Variants in RAB28 observed in about 807,000 individuals in gnomAD.
The protein encoded by RAB28 is RAB28, member RAS oncogene family, also known as ras-related protein Rab-28.
Under a neutral mutation model 31.7 loss-of-function variants are expected in RAB28, and 24 were observed. The ratio of observed to expected loss-of-function variants is 0.76; its 90% CI spans 0.55 to 1.06. RAB28 has a LOEUF of 1.06. RAB28 is among the 50% of genes least tolerant of loss of function. The probability of loss-of-function intolerance (pLI) is 0.00; values close to 1 mark genes in which losing one functional copy is unlikely to be tolerated. For synonymous variants in RAB28, 100 were observed against 90.4 expected, an observed-to-expected ratio of 1.11 and a Z score of -0.60; for missense variants, 254 against 258.5, an observed-to-expected ratio of 0.98 and a Z score of 0.12.
At chr4:13,380,772 C>T (rs1314362435) in intron 5 of RAB28, among the ~76,000 whole-genome samples, 3 of 151,878 alleles carry the variant, frequency 2.0e-5, no homozygotes, top group South Asian at 2.1e-4. Context: ...ACACCAAAAG[C>T]TTACGGACAA....
intron 4 of RAB28, among the ~76,000 whole-genome samples, chr4:13,442,674 A>G (rs558714766): frequency 6.6e-6 from 1 of 152,256 alleles, no homozygotes; most frequent in South Asian, 2.1e-4. Flanking sequence ...TACCCATAAG[A>G]GAAGACAGGA....
intron 4 of RAB28, among the ~76,000 whole-genome samples, chr4:13,425,651 A>G (rs1713438285): frequency 6.6e-6 from 1 of 152,156 alleles, no homozygotes; most frequent in Non-Finnish European, 1.5e-5. Flanking sequence ...TCTTGAAGAT[A>G]CTGTCATTAT....
chr4:13,421,012 T>C (rs535975142), intron 4 of RAB28, among the ~76,000 whole-genome samples: 1 of 152,262 alleles, frequency 6.6e-6, no homozygotes, highest in South Asian at 2.1e-4. Context: ...AACCCCATCA[T>C]CTCAGCCCAA....
chr4:13,370,092 A>ACCACC, intron 6 of RAB28: 1 of 1,427,816 alleles, frequency 7.0e-7, no homozygotes, highest in Non-Finnish European at 9.2e-7. Flanking sequence ...AAATTAACAT[A>ACCACC]TAAATGTAAA....
chr4:13,399,894 G>A (rs1711646482), intron 4 of RAB28, among the ~76,000 whole-genome samples: 1 of 151,988 alleles, frequency 6.6e-6, no homozygotes, highest in African/African-American at 2.4e-5. Flanking sequence ...ATCTTCTGTA[G>A]TTAATATATC....
intron 6 of RAB28, chr4:13,370,103 C>T: frequency 4.9e-6 from 7 of 1,415,878 alleles, no homozygotes; most frequent in Non-Finnish European, 6.4e-6. Context: ...TAAATGTAAA[C>T]ATGTCTCACA....
intron 4 of RAB28, among the ~76,000 whole-genome samples, chr4:13,460,292 T>C (rs1032508268): frequency 1.3e-5 from 2 of 152,220 alleles, no homozygotes; most frequent in African/African-American, 4.8e-5. Flanking sequence ...GCATTCTTCC[T>C]GGTTCGCAGA....
At position 13,422,831 on chromosome 4, in the gene RAB28, T is replaced by C. The variant is rs184402337; in HGVS notation, c.391+37868A>G. ...AGTTAATGGGTGCAGCAAACCAACA[T>C]GGCACATGTACACCTATAAAACAAA... On this transcript the variant is annotated intron_variant, in intron 4 of 6. Transcript: ENST00000330852. Among the ~76,000 whole-genome samples the C allele has an allele frequency of 1.1e-4, 17 of 151,676 alleles. No homozygotes were observed. In the East Asian group the frequency reaches 3.1e-3, roughly 28 times the overall value.
intron 4 of RAB28, among the ~76,000 whole-genome samples, chr4:13,407,279 C>T (rs1420854992): frequency 1.3e-5 from 2 of 152,128 alleles, no homozygotes; most frequent in Non-Finnish European, 2.9e-5. Context: ...TTCCCCATTA[C>T]TTGTTTTTGT....
Position 13,474,317 on chromosome 4 carries a change from C to G in RAB28, c.261+1G>C, listed in dbSNP as rs748166594. On this transcript the variant is annotated splice_donor_variant, in intron 3 of 6. Coordinates refer to ENST00000330852, the MANE Select transcript of RAB28 (RefSeq NM_001017979.3). LOFTEE classifies it high-confidence loss of function. Reference sequence around the variant, plus strand: ...TGGAATAATCAGAATTCATATCATACCTGTGCTCCATAGATATATTTATCC... The same window carrying G: ...TGGAATAATCAGAATTCATATCATAGCTGTGCTCCATAGATATATTTATCC... The G allele has an allele frequency of 6.4e-7, 1 of 1,565,760 alleles. No homozygotes were observed. The highest frequency in any genetic ancestry group is 8.8e-7 in the Non-Finnish European group (1 of 1,140,138).
At chr4:13,453,276 T>C (rs1715074626) in intron 4 of RAB28, among the ~76,000 whole-genome samples, 1 of 152,172 alleles carries the variant, frequency 6.6e-6, no homozygotes, top group Non-Finnish European at 1.5e-5. Context: ...TTCAAAATTA[T>C]TATTGACAGG....
intron 4 of RAB28, among the ~76,000 whole-genome samples, chr4:13,439,909 T>A (rs1395537954): frequency 1.3e-5 from 2 of 152,192 alleles, no homozygotes. Flanking sequence ...GTTATCTCCA[T>A]CCATTTCTCT....
At chr4:13,383,392 C>A (rs1318310314) in intron 4 of RAB28, among the ~76,000 whole-genome samples, 1 of 152,100 alleles carries the variant, frequency 6.6e-6, no homozygotes, top group Non-Finnish European at 1.5e-5. Context: ...CCTTCCAAAT[C>A]TCCATCTATC....
At chr4:13,393,346 T>G (rs1475331147) in intron 4 of RAB28, among the ~76,000 whole-genome samples, 5 of 152,220 alleles carry the variant, frequency 3.3e-5, no homozygotes. Context: ...TGAAAGAACC[T>G]GGCTTCCAAG....
chr4:13,402,063 G>A (rs1711796875), intron 4 of RAB28, among the ~76,000 whole-genome samples: 1 of 152,178 alleles, frequency 6.6e-6, no homozygotes, highest in Non-Finnish European at 1.5e-5. Flanking sequence ...TTACAAATAT[G>A]TTTTTCTGTT....
chr4:13,383,973 G>T (rs1729249099), intron 4 of RAB28, among the ~76,000 whole-genome samples: 1 of 152,132 alleles, frequency 6.6e-6, no homozygotes, highest in Admixed American at 6.5e-5. Flanking sequence ...TGGATGTACT[G>T]GGGGTCCACA....
At chr4:13,428,276 G>T (rs967275202) in intron 4 of RAB28, among the ~76,000 whole-genome samples, 1 of 152,144 alleles carries the variant, frequency 6.6e-6, no homozygotes, top group East Asian at 1.9e-4. Flanking sequence ...AATATGAGGG[G>T]TGGTCTCCTC....
chr4:13,430,422 A>C (rs1312297652), intron 4 of RAB28, among the ~76,000 whole-genome samples: 1 of 152,114 alleles, frequency 6.6e-6, no homozygotes, highest in Non-Finnish European at 1.5e-5. Context: ...GTCCCATGGA[A>C]AGGGTAGGTG....
chr4:13,436,078 C>T (rs1714086505), intron 4 of RAB28, among the ~76,000 whole-genome samples: 1 of 152,010 alleles, frequency 6.6e-6, no homozygotes, highest in African/African-American at 2.4e-5. Context: ...ATGTGATTCA[C>T]CACATAAAAA....
Sources: gnomAD v4.1 joint callset for allele counts (sites outside exome capture counted in the v4.1 genomes callset) on GRCh38, gnomAD v4.1.1 for gene constraint, MANE v1.5 for transcripts, NCBI Gene and HGNC (gene_info 2026-07-23, HGNC 2026-07-21) for gene names.